SUGCT: variants seen among roughly 807,000 people sequenced by gnomAD.
SUGCT encodes succinyl-CoA:glutarate CoA-transferase.
A neutral mutation model predicts 55.0 loss-of-function variants in SUGCT; 41 were observed. The observed-to-expected ratio is 0.74, with a 90% CI of 0.58 to 0.97. The LOEUF (loss-of-function observed/expected upper bound fraction) is 0.97, where lower values mean the gene tolerates loss of function less well. SUGCT is among the 50% of genes least tolerant of loss of function. The pLI is 0.00. For missense variants in SUGCT, 568 were observed against 547.8 expected (o/e 1.04, Z -0.37); for synonymous variants, 187 against 200.4 (o/e 0.93, Z 0.56).
At chr7:40,713,576 C>G (rs1450493978) in intron 12 of SUGCT, among the ~76,000 whole-genome samples, 1 of 152,194 alleles carries the variant, frequency 6.6e-6, no homozygotes, top group East Asian at 1.9e-4. Flanking sequence ...CACTGCCTTG[C>G]AAGTCCTACC....
At chr7:40,886,215 G>A in the SUGCT span, among the ~76,000 whole-genome samples, 2 of 152,062 alleles carry the variant, frequency 1.3e-5, no homozygotes, top group Non-Finnish European at 2.9e-5. Flanking sequence ...TATTTTCTAG[G>A]CTTCATTTTC....
chr7:40,755,996 C>G (rs760958843), intron 13 of SUGCT, among the ~76,000 whole-genome samples: 2 of 152,112 alleles, frequency 1.3e-5, no homozygotes, highest in Non-Finnish European at 2.9e-5. Context: ...CAGTAGTCAC[C>G]ACCATGCATT....
chr7:40,194,820 C>A, intron 5 of SUGCT, 120 bp from the exon 6 acceptor site: 1 of 1,163,588 alleles, frequency 8.6e-7, no homozygotes, highest in Non-Finnish European at 1.2e-6. Flanking sequence ...TAATTTGCTT[C>A]ATCAGTCCTG....
chr7:40,735,628 T>C (rs189491131), intron 12 of SUGCT, among the ~76,000 whole-genome samples: 175 of 152,082 alleles, frequency 1.2e-3, no homozygotes, highest in African/African-American at 4.0e-3. Flanking sequence ...AGGTGGGAGA[T>C]AGAATAGAAA....
chr7:40,292,611 A>G (rs1793858448), intron 8 of SUGCT, among the ~76,000 whole-genome samples: 1 of 152,204 alleles, frequency 6.6e-6, no homozygotes, highest in Admixed American at 6.5e-5. Flanking sequence ...TAGTAAAATG[A>G]GTACATTCTC....
the SUGCT span, among the ~76,000 whole-genome samples, chr7:40,986,002 C>T: frequency 6.6e-6 from 1 of 152,034 alleles, no homozygotes; most frequent in African/African-American, 2.4e-5. Flanking sequence ...TTTTACTAGG[C>T]TGAAATGTTT....
At chr7:40,525,366 A>G (rs933394576) in intron 12 of SUGCT, among the ~76,000 whole-genome samples, 1 of 152,182 alleles carries the variant, frequency 6.6e-6, no homozygotes, top group Non-Finnish European at 1.5e-5. Flanking sequence ...AGCTGTGAAG[A>G]TGTTTATATT....
chr7:40,642,643 T>C (rs1800321302), intron 12 of SUGCT, among the ~76,000 whole-genome samples: 1 of 152,170 alleles, frequency 6.6e-6, no homozygotes, highest in East Asian at 1.9e-4. Flanking sequence ...TAAGAGTCAG[T>C]TGAGAACCAG....
rs1005184957 is a variant in SUGCT at position 40,499,057 on chromosome 7, T to C, written c.1089+2671T>C. On this transcript the variant is annotated intron_variant, in intron 12 of 13. Coordinates refer to ENST00000335693, the MANE Select transcript of SUGCT (RefSeq NM_001193313.2). ...TGCCTCTGATGAGCTGCAGAGTTTC[T>C]TGGCGCTTGGTGCATGGAAACGGCC... The C allele has an allele frequency of 6.6e-6, 3 of 456,606 alleles. No homozygotes were observed. In the Admixed American group the frequency reaches 7.0e-5, roughly 11 times the overall value. 28.3% of individuals were successfully genotyped at this position (456,606 alleles called of 1,614,324 possible). A position where few individuals can be genotyped will look rare whatever the true frequency, so the allele number is the denominator to read the frequency against.
At chr7:40,480,468 C>G (rs891787780) in intron 11 of SUGCT, among the ~76,000 whole-genome samples, 9 of 152,078 alleles carry the variant, frequency 5.9e-5, no homozygotes, top group Non-Finnish European at 2.9e-5. Context: ...GCCAGTTTTG[C>G]TTTTCCTGCT....
chr7:40,247,884 A>C (rs540715963), intron 7 of SUGCT, among the ~76,000 whole-genome samples: 1 of 152,154 alleles, frequency 6.6e-6, no homozygotes, highest in East Asian at 1.9e-4. Flanking sequence ...TTTAAGTCAA[A>C]TTAGTTAATT....
rs564258085 is a variant in SUGCT at position 40,414,872 on chromosome 7, G to A, written c.817-34415G>A. Among the ~76,000 whole-genome samples the A allele has an allele frequency of 5.9e-5, 9 of 151,984 alleles. No individual in the cohort carries two copies. The South Asian group carries it at 1.0e-3, about 18-fold the overall frequency. ...AGCCTGGCCAACATGGTGAAATCCCGTCTCTACTACAAATACAAAAAGTTT... is the reference window on the plus strand; with the variant it reads ...AGCCTGGCCAACATGGTGAAATCCCATCTCTACTACAAATACAAAAAGTTT... On this transcript the variant is annotated intron_variant, in intron 9 of 13. Transcript: ENST00000335693.
At chr7:40,161,445 A>G (rs578139617) in intron 1 of SUGCT, among the ~76,000 whole-genome samples, 2 of 152,194 alleles carry the variant, frequency 1.3e-5, no homozygotes, top group East Asian at 3.9e-4. Flanking sequence ...CATCCACCCC[A>G]TGCATATTTT....
Position 40,242,927 on chromosome 7 carries a change from ATATATATTTTTTTTTTTTTTTT to A in SUGCT, c.576+5203_576+5224del, listed in dbSNP as rs1584435607. On this transcript the variant is annotated intron_variant, in intron 7 of 13. Coordinates refer to ENST00000335693, the MANE Select transcript of SUGCT (RefSeq NM_001193313.2). ...GTGGCATATATATATATATATATAT[ATATATATTTTTTTTTTTTTTTT>A]TTTTTTTTTTTTTGAGACAAGGTCT... Among the ~76,000 whole-genome samples the A allele has an allele frequency of 1.1e-4, 3 of 27,288 alleles. 1 individual carries two copies. In the East Asian group the frequency reaches 3.8e-3, roughly 34 times the overall value. The allele number at this position is 27,288 out of a possible 152,430, so 17.9% of individuals were successfully genotyped here.
rs779147128 is a variant in SUGCT, at chr7:40,341,649, C to T, written c.816+24794C>T. ...ATGGCATAAATGGACAAGAAAGTGGCGGGGAGGATCCAGTACTGTGAGAAG... is the reference window on the plus strand; with the variant it reads ...ATGGCATAAATGGACAAGAAAGTGGTGGGGAGGATCCAGTACTGTGAGAAG... On this transcript the variant is annotated intron_variant, in intron 9 of 13. Coordinates refer to ENST00000335693, the MANE Select transcript of SUGCT (RefSeq NM_001193313.2). Among the ~76,000 whole-genome samples the T allele has an allele frequency of 3.9e-5, 6 of 152,040 alleles. No individual in the cohort carries two copies. In the East Asian group the frequency reaches 7.7e-4, roughly 20 times the overall value.
chr7:40,989,584 T>C, the SUGCT span, among the ~76,000 whole-genome samples: 2 of 150,680 alleles, frequency 1.3e-5, no homozygotes, highest in East Asian at 3.9e-4. Flanking sequence ...CTGGCCAATA[T>C]GGTGAAACCC....
chr7:40,630,667 T>A (rs1161981653), intron 12 of SUGCT, among the ~76,000 whole-genome samples: 2 of 152,178 alleles, frequency 1.3e-5, no homozygotes, highest in Non-Finnish European at 2.9e-5. Flanking sequence ...TGTATGCCAA[T>A]AACTTTCTGA....
intron 7 of SUGCT, among the ~76,000 whole-genome samples, chr7:40,238,810 G>T (rs1654760897): frequency 7.1e-6 from 1 of 141,834 alleles, no homozygotes; most frequent in Non-Finnish European, 1.5e-5. Flanking sequence ...AAAAAAATGT[G>T]TGTGGCCTTT....
chr7:40,137,387 C>T (rs1179574706), intron 1 of SUGCT, among the ~76,000 whole-genome samples: 3 of 152,156 alleles, frequency 2.0e-5, no homozygotes, highest in Admixed American at 1.3e-4. Flanking sequence ...GCCTTGGCCT[C>T]CCAAAACTCT....
Sources: allele counts gnomAD v4.1 joint callset (sites outside exome capture counted in the v4.1 genomes callset), GRCh38; gene constraint gnomAD v4.1.1; transcripts MANE v1.5; gene names NCBI Gene and HGNC (gene_info 2026-07-23, HGNC 2026-07-21).